The following LRRC7 variants were observed in gnomAD, a reference collection of about 807,000 sequenced individuals.
LRRC7 encodes leucine-rich repeat-containing protein 7.
A neutral mutation model predicts 175.7 loss-of-function variants in LRRC7; 23 were observed. That is an observed-to-expected ratio of 0.13 (90% CI 0.09 to 0.19). The LOEUF is 0.19. LRRC7 is among the 10% of genes least tolerant of loss of function. The probability of loss-of-function intolerance (pLI) is 1.00; values close to 1 mark genes in which losing one functional copy is unlikely to be tolerated. For missense variants in LRRC7, 1,354 were observed against 1,904.7 expected, an observed-to-expected ratio of 0.71 and a Z score of 5.38; for synonymous variants, 685 against 680.9, an observed-to-expected ratio of 1.01 and a Z score of -0.09.
intron 8 of LRRC7, among the ~76,000 whole-genome samples, chr1:69,946,152 A>G (rs988110393): frequency 6.6e-6 from 1 of 152,094 alleles, no homozygotes; most frequent in African/African-American, 2.4e-5. Flanking sequence ...CATTTTTTCT[A>G]TACTTAATTT....
At chr1:70,020,980 A>G (rs1259732943) in intron 15 of LRRC7, 25 bp from the exon 16 acceptor site, 2 of 1,584,768 alleles carry the variant, frequency 1.3e-6, no homozygotes, top group East Asian at 2.3e-5. Context: ...TAAAAAAACA[A>G]TAATACTTTG....
At chr1:69,975,136 G>A (rs1240574418) in intron 8 of LRRC7, among the ~76,000 whole-genome samples, 1 of 152,146 alleles carries the variant, frequency 6.6e-6, no homozygotes, top group Non-Finnish European at 1.5e-5. Flanking sequence ...AAAGTCCCCA[G>A]TAAAACCCAG....
intron 13 of LRRC7, among the ~76,000 whole-genome samples, chr1:70,014,420 AT>A: frequency 6.6e-6 from 1 of 152,108 alleles, no homozygotes; most frequent in East Asian, 1.9e-4. Context: ...CTAGGGTGAA[AT>A]TTATGAATAA....
intron 17 of LRRC7, among the ~76,000 whole-genome samples, chr1:70,024,708 G>A (rs2101985007): frequency 6.6e-6 from 1 of 152,062 alleles, no homozygotes; most frequent in South Asian, 2.1e-4. Flanking sequence ...GATATATACA[G>A]AAATTGCTCT....
intron 1 of LRRC7, among the ~76,000 whole-genome samples, chr1:69,647,270 T>C (rs1487915237): frequency 6.6e-6 from 1 of 152,180 alleles, no homozygotes; most frequent in African/African-American, 2.4e-5. Context: ...AATTCTACTT[T>C]CCTACCAGAT....
intron 11 of LRRC7, among the ~76,000 whole-genome samples, chr1:70,011,185 C>T (rs1003769081): frequency 1.3e-5 from 2 of 152,164 alleles, no homozygotes; most frequent in African/African-American, 4.8e-5. Context: ...AATACAGTGA[C>T]TCTCTACTGT....
intron 8 of LRRC7, among the ~76,000 whole-genome samples, chr1:69,938,793 C>A (rs1648315089): frequency 6.6e-6 from 1 of 151,518 alleles, no homozygotes; most frequent in Admixed American, 6.6e-5. Flanking sequence ...TCCTTATAAG[C>A]AATTACAGCA....
chr1:70,121,149 T>C (rs1430451389), intron 26 of LRRC7, among the ~76,000 whole-genome samples: 4 of 152,090 alleles, frequency 2.6e-5, no homozygotes, highest in African/African-American at 9.6e-5. Flanking sequence ...ACATGTCCTC[T>C]GTTACTAATG....
At chr1:70,114,125 A>C (rs536424481) in intron 26 of LRRC7, among the ~76,000 whole-genome samples, 3 of 152,308 alleles carry the variant, frequency 2.0e-5, no homozygotes, top group African/African-American at 7.2e-5. Flanking sequence ...TGGACCCTTA[A>C]AAAATAAAAT....
chr1:69,632,886 C>T (rs1384833454), intron 1 of LRRC7, among the ~76,000 whole-genome samples: 3 of 152,000 alleles, frequency 2.0e-5, no homozygotes, highest in Non-Finnish European at 4.4e-5. Context: ...TTTTAATTTT[C>T]TCTTTGGTCC....
At chr1:70,098,349 A>G (rs1417273794) in intron 25 of LRRC7, among the ~76,000 whole-genome samples, 1 of 151,830 alleles carries the variant, frequency 6.6e-6, no homozygotes, top group Admixed American at 6.6e-5. Flanking sequence ...ATAGCACTAA[A>G]TGCCCACAAG....
chr1:69,866,223 A>T (rs1364811603), intron 7 of LRRC7, among the ~76,000 whole-genome samples: 1 of 152,204 alleles, frequency 6.6e-6, no homozygotes, highest in Non-Finnish European at 1.5e-5. Flanking sequence ...ACAATAATAG[A>T]TGGTGAAAGT....
At chr1:69,934,873 T>TC (rs768957775) in intron 8 of LRRC7, among the ~76,000 whole-genome samples, 3 of 151,864 alleles carry the variant, frequency 2.0e-5, no homozygotes, top group Non-Finnish European at 4.4e-5. Context: ...GCCTCTCTCC[T>TC]CCCCTCCCTG....
chr1:69,898,793 C>T (rs913829789), intron 7 of LRRC7, among the ~76,000 whole-genome samples: 4 of 152,250 alleles, frequency 2.6e-5, no homozygotes, highest in Non-Finnish European at 5.9e-5. Flanking sequence ...GCCCAATTCA[C>T]TGACACCAGA....
intron 9 of LRRC7, among the ~76,000 whole-genome samples, chr1:69,983,478 C>T (rs1381254790): frequency 6.6e-6 from 1 of 152,240 alleles, no homozygotes; most frequent in African/African-American, 2.4e-5. Flanking sequence ...AGAATTTACT[C>T]TATTCCCCCA....
At chr1:69,836,130 G>T (rs562680722) in intron 6 of LRRC7, among the ~76,000 whole-genome samples, 3 of 151,926 alleles carry the variant, frequency 2.0e-5, no homozygotes, top group Non-Finnish European at 2.9e-5. Context: ...ACTGAAGCTC[G>T]CACAGGACAT....
chr1:69,730,144 A>AT (rs1022082629), intron 2 of LRRC7, among the ~76,000 whole-genome samples: 1 of 151,838 alleles, frequency 6.6e-6, no homozygotes, highest in African/African-American at 2.4e-5. Context: ...CCAAGAAACC[A>AT]TTTTTCCCTC....
intron 1 of LRRC7, among the ~76,000 whole-genome samples, chr1:69,654,340 C>A (rs1656300728): frequency 6.6e-6 from 1 of 151,918 alleles, no homozygotes. Flanking sequence ...GTATAAAATG[C>A]AAATGAAATT....
chr1:69,957,248 T>C (rs1266120631), intron 8 of LRRC7, among the ~76,000 whole-genome samples: 1 of 151,854 alleles, frequency 6.6e-6, no homozygotes, highest in Admixed American at 6.6e-5. Context: ...TTATTATGAC[T>C]TGGTTCTTGC....
Sources: gnomAD v4.1 joint callset for allele counts (sites outside exome capture counted in the v4.1 genomes callset) on GRCh38, gnomAD v4.1.1 for gene constraint, MANE v1.5 for transcripts, NCBI Gene and HGNC (gene_info 2026-07-23, HGNC 2026-07-21) for gene names.